Variants in PRKN observed in about 807,000 individuals in gnomAD.
PRKN encodes the protein E3 ubiquitin-protein ligase parkin.
Under a neutral mutation model 59.5 loss-of-function variants are expected in PRKN, and 56 were observed. The observed-to-expected ratio is 0.94, with a 90% CI of 0.76 to 1.18. The LOEUF (loss-of-function observed/expected upper bound fraction) is 1.18. Among genes scored for constraint, PRKN ranks in the 50% most tolerant of loss-of-function variants. PRKN has a pLI of 0.00. For synonymous variants in PRKN, 250 were observed against 222.1 expected, an observed-to-expected ratio of 1.13 and a Z score of -1.12; for missense variants, 657 against 596.4, an observed-to-expected ratio of 1.10 and a Z score of -1.06.
At chr6:162,627,299 A>G (rs1782934452) in intron 1 of PRKN, among the ~76,000 whole-genome samples, 1 of 152,248 alleles carries the variant, frequency 6.6e-6, no homozygotes, top group African/African-American at 2.4e-5. Context: ...GGCTTCACCC[A>G]GAATAGAGGG....
chr6:162,210,082 C>A (rs1163219607), intron 3 of PRKN, among the ~76,000 whole-genome samples: 1 of 82,420 alleles, frequency 1.2e-5, no homozygotes, highest in Non-Finnish European at 2.9e-5. Flanking sequence ...TGCACATGCA[C>A]CCTATAACTT....
intron 3 of PRKN, among the ~76,000 whole-genome samples, chr6:162,215,901 G>T (rs1280864922): frequency 6.6e-6 from 1 of 151,976 alleles, no homozygotes; most frequent in East Asian, 1.9e-4. Flanking sequence ...AAAATTAGCT[G>T]GCATGGTGGT....
chr6:162,145,496 G>C (rs1033908456), intron 4 of PRKN, among the ~76,000 whole-genome samples: 2 of 152,182 alleles, frequency 1.3e-5, no homozygotes, highest in Admixed American at 6.5e-5. Context: ...AGTCTTGCCT[G>C]CAAGTTGTCC....
intron 6 of PRKN, among the ~76,000 whole-genome samples, chr6:161,928,911 A>C (rs376544398): frequency 2.0e-5 from 3 of 152,320 alleles, no homozygotes; most frequent in East Asian, 3.9e-4. Context: ...AATAGGCTCA[A>C]GCACCTCAAA....
chr6:162,586,520 A>C (rs550504545), intron 1 of PRKN, among the ~76,000 whole-genome samples: 2 of 152,278 alleles, frequency 1.3e-5, no homozygotes, highest in African/African-American at 4.8e-5. Context: ...TTGGTGAGTA[A>C]GTGTCCTGGG....
intron 5 of PRKN, among the ~76,000 whole-genome samples, chr6:161,990,936 T>C (rs1781622094): frequency 6.6e-6 from 1 of 152,156 alleles, no homozygotes; most frequent in Non-Finnish European, 1.5e-5. Flanking sequence ...CAAAAATGTC[T>C]TTTTCAAGGA....
intron 1 of PRKN, among the ~76,000 whole-genome samples, chr6:162,713,323 T>C (rs1778607145): frequency 6.6e-6 from 1 of 151,796 alleles, no homozygotes; most frequent in Non-Finnish European, 1.5e-5. Flanking sequence ...TGAAACCCCG[T>C]CTCTATTAAA....
intron 5 of PRKN, among the ~76,000 whole-genome samples, chr6:162,016,574 T>C (rs73030428): frequency 0.16 from 23,604 of 152,050 alleles, 1,945 homozygotes; most frequent in South Asian, 0.25. Flanking sequence ...TGTCTATTGC[T>C]AGCAGGGCCA....
intron 9 of PRKN, among the ~76,000 whole-genome samples, chr6:161,435,030 A>G (rs1337597854): frequency 2.6e-5 from 4 of 152,130 alleles, no homozygotes; most frequent in African/African-American, 9.7e-5. Flanking sequence ...TGTGCTCATG[A>G]CAAAGAAATG....
chr6:161,750,308 G>A (rs1391894067), intron 7 of PRKN, among the ~76,000 whole-genome samples: 1 of 151,944 alleles, frequency 6.6e-6, no homozygotes, highest in East Asian at 1.9e-4. Context: ...TTATTCCCAA[G>A]GGAAATTTCT....
rs573809258 is a variant in PRKN, at chr6:162,577,523, C to T, written c.8-134050G>A. The stretch of plus-strand genomic sequence containing the variant: ...GCTGAGGCAGGAGAATTGCTTGAAC[C>T]CGGGAGGCGGGGGGTGCAGTAAGCG... On this transcript the variant is annotated intron_variant, in intron 1 of 11. Transcript: ENST00000366898. 5.3e-5 allele frequency among the ~76,000 whole-genome samples: 8 copies of T among 152,068 alleles called. 1 individual carries two copies. The highest frequency in any genetic ancestry group is 1.9e-4 in the African/African-American group (8 of 41,480).
chr6:162,225,202 C>T (rs1026387194), intron 3 of PRKN, among the ~76,000 whole-genome samples: 2 of 152,120 alleles, frequency 1.3e-5, no homozygotes, highest in African/African-American at 4.8e-5. Flanking sequence ...AACCTGCTCT[C>T]ATAGTAACTA....
At chr6:162,186,950 CA>C (rs1562567114) in intron 4 of PRKN, among the ~76,000 whole-genome samples, 1 of 152,122 alleles carries the variant, frequency 6.6e-6, no homozygotes, top group Non-Finnish European at 1.5e-5. Flanking sequence ...TACAGTAAGG[CA>C]AGAAAGGACT....
intron 6 of PRKN, among the ~76,000 whole-genome samples, chr6:161,902,552 A>ATCTATTTTTTTTTTTTTTTTTTTTT (rs1343265664): frequency 1.7e-5 from 2 of 121,052 alleles, no homozygotes; most frequent in Non-Finnish European, 1.7e-5. Flanking sequence ...CTATCTATTT[A>ATCTATTTTTTTTTTTTTTTTTTTTT]TTTATTTATT....
intron 2 of PRKN, among the ~76,000 whole-genome samples, chr6:162,365,728 T>A (rs984794324): frequency 2.0e-5 from 3 of 152,158 alleles, no homozygotes; most frequent in African/African-American, 7.2e-5. Context: ...ATCTAATTTA[T>A]CCTTAGTCAA....
At chr6:162,271,388 A>T (rs1373737409) in intron 2 of PRKN, 2 of 151,948 alleles carry the variant, frequency 1.3e-5, no homozygotes, top group Admixed American at 6.6e-5. Flanking sequence ...AATACATTAA[A>T]AAAAATTAGC....
chr6:162,675,301 G>A (rs1385881385), intron 1 of PRKN, among the ~76,000 whole-genome samples: 2 of 151,888 alleles, frequency 1.3e-5, no homozygotes, highest in African/African-American at 2.4e-5. Flanking sequence ...CCCCCGCCTC[G>A]GCCTCCCAAA....
chr6:162,669,556 G>A lies in PRKN; in HGVS notation c.7+58106C>T, dbSNP rs191543435. Among the ~76,000 whole-genome samples, 656 of 152,248 alleles carry A rather than the reference G, an allele frequency of 4.3e-3. 3 individuals carry two copies. Among genetic ancestry groups the A allele is most frequent in the African/African-American group, 0.015 (626 of 41,558 alleles). ...CAATCTCTTTGCCAGTCTATGCCATGACAAGCCTCATACACAGTTTCCACT... is the reference window on the plus strand; with the variant it reads ...CAATCTCTTTGCCAGTCTATGCCATAACAAGCCTCATACACAGTTTCCACT... On this transcript the variant is annotated intron_variant, in intron 1 of 11. Coordinates refer to ENST00000366898, the MANE Select transcript of PRKN (RefSeq NM_004562.3).
At chr6:161,807,450 G>T (rs1324274854) in intron 6 of PRKN, among the ~76,000 whole-genome samples, 2 of 152,086 alleles carry the variant, frequency 1.3e-5, no homozygotes, top group Non-Finnish European at 2.9e-5. Context: ...CACATAGATT[G>T]CTAGGGCTGC....
Sources: allele counts gnomAD v4.1 joint callset (sites outside exome capture counted in the v4.1 genomes callset), GRCh38; gene constraint gnomAD v4.1.1; transcripts MANE v1.5; gene names NCBI Gene and HGNC (gene_info 2026-07-23, HGNC 2026-07-21).